Variants in GTF2IRD1 observed in about 807,000 individuals in gnomAD.
GTF2IRD1 encodes the protein GTF2I repeat domain containing 1.
A neutral mutation model predicts 113.2 loss-of-function variants in GTF2IRD1; 26 were observed. That is an observed-to-expected ratio of 0.23 (90% confidence interval 0.17 to 0.32). The LOEUF (loss-of-function observed/expected upper bound fraction) is 0.32, where lower values mean the gene tolerates loss of function less well. GTF2IRD1 is among the 10% of genes least tolerant of loss of function. The pLI is 1.00. For synonymous variants in GTF2IRD1, 484 were observed against 529.1 expected, an observed-to-expected ratio of 0.91 and a Z score of 1.17; for missense variants, 864 against 1,280.8, an observed-to-expected ratio of 0.67 and a Z score of 4.97.
intron 22 of GTF2IRD1, among the ~76,000 whole-genome samples, chr7:74,575,240 A>C (rs1214703052): frequency 6.6e-6 from 1 of 152,170 alleles, no homozygotes; most frequent in East Asian, 1.9e-4. Flanking sequence ...GACCAGAAGG[A>C]GGCCTTAGTT....
At chr7:74,537,147 C>T (rs782272453) in intron 11 of GTF2IRD1, among the ~76,000 whole-genome samples, 1 of 151,646 alleles carries the variant, frequency 6.6e-6, no homozygotes, top group Admixed American at 6.6e-5. Flanking sequence ...TGATGGCTCA[C>T]GCCTGTAATC....
At chr7:74,589,691 C>G (rs1418168572) in intron 22 of GTF2IRD1, among the ~76,000 whole-genome samples, 160 bp from the exon 23 acceptor site, 2 of 151,114 alleles carry the variant, frequency 1.3e-5, no homozygotes, top group African/African-American at 4.9e-5. Flanking sequence ...GAGCGAGACT[C>G]TGTCTCAAAA....
chr7:74,544,876 C>G, intron 15 of GTF2IRD1, 74 bp downstream of exon 15: 2 of 1,244,206 alleles, frequency 1.6e-6, no homozygotes, highest in South Asian at 1.3e-5. Flanking sequence ...CCCACCTCCC[C>G]TTGGCCTCTG....
chr7:74,480,302 C>T (rs578246527), intron 1 of GTF2IRD1, among the ~76,000 whole-genome samples: 1 of 152,106 alleles, frequency 6.6e-6, no homozygotes, highest in East Asian at 1.9e-4. Flanking sequence ...TGTGTCCCCA[C>T]CCCTGTGATT....
chr7:74,487,036 ACTTTT>A (rs1438750286), intron 1 of GTF2IRD1, among the ~76,000 whole-genome samples: 6 of 152,198 alleles, frequency 3.9e-5, no homozygotes, highest in Admixed American at 6.5e-5. Flanking sequence ...TTACAAGATA[ACTTTT>A]CTTTTCTTTT....
In GTF2IRD1 at chr7:74,512,247, G is replaced by C. The variant is rs1796678508; in HGVS notation, c.124-583G>C. The stretch of plus-strand genomic sequence containing the variant: ...GGCGCCTGTAGTCCCAGCTACTCGG[G>C]AGGCTGAGGCAGGAGAATCGCTTGA... On this transcript the variant is annotated intron_variant, in intron 2 of 26. Transcript: ENST00000424337. The surrounding 1 kb of genome is among the most constrained non-coding windows in gnomAD (Gnocchi z 4.4). 6.6e-6 allele frequency among the ~76,000 whole-genome samples: 1 copy of C among 152,230 alleles called. No homozygotes were observed. The highest frequency in any genetic ancestry group is 1.5e-5 in the Non-Finnish European group (1 of 68,046).
At chr7:74,536,036 A>G in intron 10 of GTF2IRD1, 131 bp from the exon 11 acceptor site, 1 of 613,952 alleles carries the variant, frequency 1.6e-6, no homozygotes, top group Non-Finnish European at 3.0e-6. Context: ...CGTGGCGCCC[A>G]CAAGGACAGG....
intron 3 of GTF2IRD1, among the ~76,000 whole-genome samples, chr7:74,513,464 C>T (rs1413151658): frequency 6.6e-6 from 1 of 152,142 alleles, no homozygotes; most frequent in East Asian, 1.9e-4. Context: ...TACCACCACG[C>T]CCAACTAATT....
rs782527152 is a variant in GTF2IRD1, at chr7:74,555,005, G to A, written c.1917-169G>A. Among the ~76,000 whole-genome samples, 7 of 152,086 alleles carry A rather than the reference G, an allele frequency of 4.6e-5. No homozygotes were observed. Among genetic ancestry groups the A allele is most frequent in the African/African-American group, 7.2e-5 (3 of 41,418 alleles). ...CCCAGCTGGATCCTTCAAGCCCAGC[G>A]CAGCCCCCCAGATTCCACATGTGGG... On this transcript the variant is annotated intron_variant, in intron 17 of 26. Transcript: ENST00000424337. This position sits in a 1 kb window ranked among gnomAD's most constrained non-coding sequence, Gnocchi z 5.3.
intron 19 of GTF2IRD1, among the ~76,000 whole-genome samples, chr7:74,556,206 C>G (rs1347072555): frequency 1.3e-5 from 2 of 151,046 alleles, no homozygotes; most frequent in South Asian, 4.2e-4. Flanking sequence ...GAGCCGAGAT[C>G]ATGCCACTGC....
rs1043355469 is a variant in GTF2IRD1 at position 74,461,692 on chromosome 7, C to T, written c.-7+7516C>T. 4.6e-5 allele frequency among the ~76,000 whole-genome samples: 7 copies of T among 152,136 alleles called. No homozygotes were observed. The South Asian group carries it at 6.2e-4, about 14-fold the overall frequency. On this transcript the variant is annotated intron_variant, in intron 1 of 26. Coordinates refer to ENST00000424337, the MANE Select transcript of GTF2IRD1 (RefSeq NM_005685.4). ...CTCCCGGGTTCAAGCAATTCTCTTG[C>T]CTCAGCCTCCTGAGTAGCTGGGATT...
chr7:74,468,676 C>CTGTGTGTGTGTGTGTGTGTG, intron 1 of GTF2IRD1, among the ~76,000 whole-genome samples: 1 of 129,416 alleles, frequency 7.7e-6, no homozygotes, highest in South Asian at 2.6e-4. Flanking sequence ...AAAAAAAAAA[C>CTGTGTGTGTGTGTGTGTGTG]TGTGTGTGTG....
At chr7:74,523,561 A>G (rs1163203420) in intron 7 of GTF2IRD1, among the ~76,000 whole-genome samples, 1 of 152,084 alleles carries the variant, frequency 6.6e-6, no homozygotes, top group Non-Finnish European at 1.5e-5. Flanking sequence ...CTCTACTAAA[A>G]ATACAAAAAT....
chr7:74,570,091 G>A (rs113861450), intron 22 of GTF2IRD1, among the ~76,000 whole-genome samples: 20,019 of 152,088 alleles, frequency 0.13, 1,512 homozygotes, highest in South Asian at 0.24. Flanking sequence ...GGCCGGGCGC[G>A]GTGGCTCAGC....
intron 1 of GTF2IRD1, among the ~76,000 whole-genome samples, chr7:74,469,684 A>G (rs1793968958): frequency 6.6e-6 from 1 of 152,056 alleles, no homozygotes; most frequent in South Asian, 2.1e-4. Flanking sequence ...TTATGGACAT[A>G]TGGGGTGTTT....
At chr7:74,457,885 T>TG (rs1196864192) in intron 1 of GTF2IRD1, among the ~76,000 whole-genome samples, 2 of 144,114 alleles carry the variant, frequency 1.4e-5, no homozygotes, top group African/African-American at 5.7e-5. Context: ...TTGTTTTTTT[T>TG]TTTTTTTTTT....
intron 1 of GTF2IRD1, among the ~76,000 whole-genome samples, chr7:74,483,049 G>A (rs1444045081): frequency 6.6e-6 from 1 of 152,224 alleles, no homozygotes; most frequent in Non-Finnish European, 1.5e-5. Flanking sequence ...CCACAGGAGA[G>A]CAAGTTGTAT....
chr7:74,531,010 A>G (rs1797935183), intron 9 of GTF2IRD1, among the ~76,000 whole-genome samples: 1 of 151,980 alleles, frequency 6.6e-6, no homozygotes, highest in African/African-American at 2.4e-5. Flanking sequence ...TCGAGACTGC[A>G]GTGAGCTATG....
Position 74,519,548 on chromosome 7 carries a change from A to ACCT in GTF2IRD1, c.754_756dup (p.Ser252dup). 6.2e-7 allele frequency: 1 copy of ACCT among 1,603,546 alleles called. No homozygotes were observed. Among genetic ancestry groups the ACCT allele is most frequent in the Middle Eastern group, 1.7e-4 (1 of 6,038 alleles). ...ACCCCAGGACCTGCCCCCAACCGCC[A>ACCT]CCTCCTCCTCCATGGCCAGCTTCCT... On this transcript the variant is annotated inframe_insertion, in exon 6 of 27. Coordinates refer to ENST00000424337, the MANE Select transcript of GTF2IRD1 (RefSeq NM_005685.4).
Sources: gnomAD v4.1 joint callset for allele counts (sites outside exome capture counted in the v4.1 genomes callset) on GRCh38, gnomAD v4.1.1 for gene constraint, Gnocchi (gnomAD v3.1) non-coding constraint, MANE v1.5 for transcripts, NCBI Gene and HGNC (gene_info 2026-07-23, HGNC 2026-07-21) for gene names.